PPP2R5E: variants seen among roughly 807,000 people sequenced by gnomAD.
PPP2R5E encodes the protein protein phosphatase 2 regulatory subunit B'epsilon, also known as serine/threonine-protein phosphatase 2A 56 kDa regulatory subunit epsilon isoform.
Under a neutral mutation model 65.3 loss-of-function variants are expected in PPP2R5E, and 4 were observed. The ratio of observed to expected loss-of-function variants is 0.06; its 90% confidence interval spans 0.03 to 0.14. The LOEUF (loss-of-function observed/expected upper bound fraction) is 0.14, where lower values mean the gene tolerates loss of function less well. Ranked by LOEUF, PPP2R5E falls within the 10% of genes least tolerant of loss-of-function variation. PPP2R5E has a pLI of 1.00. For synonymous variants in PPP2R5E, 183 were observed against 187.4 expected, an observed-to-expected ratio of 0.98 and a Z score of 0.19; for missense variants, 274 against 556.1, an observed-to-expected ratio of 0.49 and a Z score of 5.10.
chr14:63,455,346 A>G (rs935754757), intron 2 of PPP2R5E, among the ~76,000 whole-genome samples: 1 of 152,222 alleles, frequency 6.6e-6, no homozygotes, highest in African/African-American at 2.4e-5. Flanking sequence ...AGTGGATAGG[A>G]CACCTAAATA....
chr14:63,454,118 A>C (rs1479810123), intron 2 of PPP2R5E, among the ~76,000 whole-genome samples: 3 of 152,244 alleles, frequency 2.0e-5, no homozygotes, highest in Admixed American at 2.0e-4. Flanking sequence ...GCTATTCCAC[A>C]ACCAAGGATT....
chr14:63,424,011 A>T (rs1228308701), intron 3 of PPP2R5E, among the ~76,000 whole-genome samples: 1 of 152,112 alleles, frequency 6.6e-6, no homozygotes, highest in African/African-American at 2.4e-5. Flanking sequence ...AAAAAAAATC[A>T]CTCCAACAGC....
chr14:63,514,565 G>C (rs1421734448), intron 2 of PPP2R5E, among the ~76,000 whole-genome samples: 1 of 151,598 alleles, frequency 6.6e-6, no homozygotes, highest in Non-Finnish European at 1.5e-5. Flanking sequence ...AAAAGAAAAA[G>C]TAATGAGTAA....
chr14:63,427,755 A>G (rs940583359), intron 3 of PPP2R5E, among the ~76,000 whole-genome samples: 1 of 152,246 alleles, frequency 6.6e-6, no homozygotes, highest in African/African-American at 2.4e-5. Context: ...CTTCAAAGAC[A>G]GAAAACCTCC....
At chr14:63,536,252 A>C (rs1893664475) in intron 2 of PPP2R5E, among the ~76,000 whole-genome samples, 3 of 152,250 alleles carry the variant, frequency 2.0e-5, no homozygotes, top group Admixed American at 2.0e-4. Flanking sequence ...AAAAGGATAC[A>C]GAAATGGCCA....
intron 2 of PPP2R5E, among the ~76,000 whole-genome samples, chr14:63,478,910 G>A (rs2139586901): frequency 6.6e-6 from 1 of 152,036 alleles, no homozygotes; most frequent in East Asian, 1.9e-4. Flanking sequence ...ATCACTTGAG[G>A]CCAGGAGTTC....
At chr14:63,447,441 A>G (rs909090537) in intron 3 of PPP2R5E, among the ~76,000 whole-genome samples, 9 of 152,234 alleles carry the variant, frequency 5.9e-5, no homozygotes, top group African/African-American at 2.2e-4. Flanking sequence ...GTTACTGTCC[A>G]ACTTTTCTTC....
chr14:63,495,417 C>CAAAAAAAAAAAAAAAAAAA (rs772700927), intron 2 of PPP2R5E, among the ~76,000 whole-genome samples: 4 of 93,226 alleles, frequency 4.3e-5, no homozygotes, highest in Admixed American at 1.2e-4. Flanking sequence ...ACTAAAAATA[C>CAAAAAAAAAAAAAAAAAAA]AAAAAAAAAA....
chr14:63,520,800 G>A (rs1279245247), intron 2 of PPP2R5E, among the ~76,000 whole-genome samples: 2 of 146,474 alleles, frequency 1.4e-5, no homozygotes, highest in African/African-American at 5.1e-5. Flanking sequence ...TGGATCACGA[G>A]GTCAGCAGAT....
chr14:63,473,514 T>G (rs1890235948), intron 2 of PPP2R5E, among the ~76,000 whole-genome samples: 1 of 152,216 alleles, frequency 6.6e-6, no homozygotes, highest in African/African-American at 2.4e-5. Context: ...AGTAAAGCTC[T>G]GAGACATTTC....
rs764535439 is a variant in PPP2R5E, at chr14:63,421,962, T to C, written c.456+31A>G. On this transcript the variant is annotated intron_variant, in intron 4 of 13. Coordinates refer to ENST00000337537, the MANE Select transcript of PPP2R5E (RefSeq NM_006246.5). ...AATCAGCTAATGAGTTAATGGAGTT[T>C]TCTTTTATAACAAATGGTATTTCAA... 12 of 1,535,296 alleles carry C rather than the reference T, an allele frequency of 7.8e-6. No homozygotes were observed. In the South Asian group the frequency reaches 1.2e-4, roughly 16 times the overall value.
At chr14:63,499,910 T>C (rs1891774240) in intron 2 of PPP2R5E, among the ~76,000 whole-genome samples, 1 of 152,232 alleles carries the variant, frequency 6.6e-6, no homozygotes, top group African/African-American at 2.4e-5. Context: ...TTCTGGTTCC[T>C]AGCCCAATAT....
intron 5 of PPP2R5E, among the ~76,000 whole-genome samples, chr14:63,397,879 C>T (rs2139807335): frequency 6.6e-6 from 1 of 152,096 alleles, no homozygotes; most frequent in African/African-American, 2.4e-5. Context: ...AGGCACCTAC[C>T]ACCGTGCCCA....
chr14:63,479,842 G>A (rs1594922060), intron 2 of PPP2R5E, among the ~76,000 whole-genome samples: 1 of 152,130 alleles, frequency 6.6e-6, no homozygotes, highest in Admixed American at 6.5e-5. Flanking sequence ...CATCAAGATG[G>A]TCAAATATTG....
intron 3 of PPP2R5E, among the ~76,000 whole-genome samples, chr14:63,430,401 G>GCATACATACATGCATACATA (rs1555359700): frequency 1.2e-4 from 17 of 143,820 alleles, no homozygotes; most frequent in African/African-American, 4.7e-4. Context: ...ATACATACAT[G>GCATACATACATGCATACATA]CATACATACA....
intron 3 of PPP2R5E, among the ~76,000 whole-genome samples, chr14:63,440,175 G>C (rs1888149238): frequency 6.6e-6 from 1 of 152,164 alleles, no homozygotes; most frequent in African/African-American, 2.4e-5. Context: ...GAACTCAGGG[G>C]ACTGCTATCT....
chr14:63,446,090 A>T (rs752594435), intron 3 of PPP2R5E, among the ~76,000 whole-genome samples: 1 of 152,180 alleles, frequency 6.6e-6, no homozygotes. Context: ...CTCTCAAGAA[A>T]CCACTTTCTT....
intron 2 of PPP2R5E, among the ~76,000 whole-genome samples, chr14:63,529,070 C>T (rs1329438412): frequency 6.6e-6 from 1 of 152,170 alleles, no homozygotes; most frequent in African/African-American, 2.4e-5. Flanking sequence ...AATCCTCCTT[C>T]CTGTCTCGGC....
At chr14:63,468,570 C>A (rs1235472692) in intron 2 of PPP2R5E, among the ~76,000 whole-genome samples, 3 of 152,110 alleles carry the variant, frequency 2.0e-5, no homozygotes, top group African/African-American at 4.8e-5. Flanking sequence ...GACAGAGAAG[C>A]TAGAATTTAT....
Sources: allele counts gnomAD v4.1 joint callset (sites outside exome capture counted in the v4.1 genomes callset), GRCh38; gene constraint gnomAD v4.1.1; transcripts MANE v1.5; gene names NCBI Gene and HGNC (gene_info 2026-07-23, HGNC 2026-07-21).